Variants in ADAM12 observed in about 807,000 individuals in gnomAD.
ADAM12 encodes ADAM metallopeptidase domain 12.
Under a neutral mutation model 106.4 loss-of-function variants are expected in ADAM12, and 70 were observed. That is an observed-to-expected ratio of 0.66 (90% CI 0.54 to 0.80). The LOEUF is 0.80. ADAM12 is among the 30% of genes least tolerant of loss of function. The pLI is 0.00. For synonymous variants in ADAM12, 420 were observed against 433.5 expected (o/e 0.97, Z 0.39); for missense variants, 1,010 against 1,171.9 (o/e 0.86, Z 2.02).
intron 3 of ADAM12, among the ~76,000 whole-genome samples, chr10:126,222,783 A>G (rs1958119310): frequency 6.6e-6 from 1 of 152,196 alleles, no homozygotes; most frequent in Non-Finnish European, 1.5e-5. Flanking sequence ...TCACACTTTT[A>G]TAGATCCAGA....
At chr10:126,378,518 C>T (rs1449914837) in intron 1 of ADAM12, among the ~76,000 whole-genome samples, 6 of 152,100 alleles carry the variant, frequency 3.9e-5, no homozygotes, top group Non-Finnish European at 7.4e-5. Context: ...TAGTAGGGTA[C>T]CATTTACTTA....
chr10:126,362,103 C>T (rs915757090), intron 1 of ADAM12, among the ~76,000 whole-genome samples: 2 of 151,928 alleles, frequency 1.3e-5, no homozygotes, highest in Admixed American at 1.3e-4. Context: ...AACTATTAGC[C>T]TGATTTTAAA....
At position 126,056,545 on chromosome 10, in the gene ADAM12, T is replaced by C. The variant is rs186851095; in HGVS notation, c.1610-6876A>G. ...ATCAGTCCTCTGAAACTGCTGCTGCTTTAATTTGGTAGTGGTGGTGAGGGT... is the reference window on the plus strand; with the variant it reads ...ATCAGTCCTCTGAAACTGCTGCTGCCTTAATTTGGTAGTGGTGGTGAGGGT... On this transcript the variant is annotated intron_variant, in intron 14 of 22. Transcript: ENST00000448723. 2.0e-5 allele frequency among the ~76,000 whole-genome samples: 3 copies of C among 152,288 alleles called. No individual in the cohort carries two copies. In the East Asian group the frequency reaches 5.8e-4, roughly 29 times the overall value.
chr10:126,187,424 T>C (rs1173854643), intron 3 of ADAM12, among the ~76,000 whole-genome samples: 1 of 152,196 alleles, frequency 6.6e-6, no homozygotes, highest in Non-Finnish European at 1.5e-5. Context: ...TTCTAGCTTC[T>C]TCTTAAAGCC....
chr10:126,078,486 C>A (rs2133519295), intron 11 of ADAM12, among the ~76,000 whole-genome samples: 1 of 152,210 alleles, frequency 6.6e-6, no homozygotes. Context: ...TCTTTTATGC[C>A]ACATAAATGG....
intron 2 of ADAM12, among the ~76,000 whole-genome samples, chr10:126,310,318 A>G (rs1421181518): frequency 2.6e-5 from 4 of 152,148 alleles, no homozygotes; most frequent in Non-Finnish European, 4.4e-5. Flanking sequence ...AAGCTAGTAG[A>G]GTGGTCAAAG....
intron 3 of ADAM12, among the ~76,000 whole-genome samples, chr10:126,236,952 T>C (rs542056103): frequency 4.5e-4 from 68 of 152,212 alleles, no homozygotes; most frequent in Admixed American, 7.8e-4. Context: ...TGTAAAACAA[T>C]ACAGAGCTGA....
At chr10:126,353,132 T>G (rs1338494637) in intron 1 of ADAM12, among the ~76,000 whole-genome samples, 1 of 152,214 alleles carries the variant, frequency 6.6e-6, no homozygotes, top group African/African-American at 2.4e-5. Flanking sequence ...GGAATTGCCA[T>G]CACTCCCTAT....
chr10:126,256,355 G>T (rs1385798543), intron 3 of ADAM12, among the ~76,000 whole-genome samples: 1 of 152,136 alleles, frequency 6.6e-6, no homozygotes, highest in African/African-American at 2.4e-5. Flanking sequence ...CTTTGTTTTA[G>T]TTTCTAACTC....
At chr10:126,335,275 A>C (rs1460512755) in intron 1 of ADAM12, among the ~76,000 whole-genome samples, 1 of 152,244 alleles carries the variant, frequency 6.6e-6, no homozygotes, top group Non-Finnish European at 1.5e-5. Context: ...CTTAAATATC[A>C]CACCTGGAGT....
chr10:126,351,563 C>T (rs1855360104), intron 1 of ADAM12, among the ~76,000 whole-genome samples: 1 of 152,188 alleles, frequency 6.6e-6, no homozygotes, highest in South Asian at 2.1e-4. Flanking sequence ...ACTGCCGCTT[C>T]CTCTCCTCGG....
At chr10:126,214,669 G>A (rs1287830566) in intron 3 of ADAM12, among the ~76,000 whole-genome samples, 1 of 152,180 alleles carries the variant, frequency 6.6e-6, no homozygotes, top group Non-Finnish European at 1.5e-5. Context: ...ATGGGAAAAA[G>A]CACCAAATTT....
At chr10:126,297,809 C>A (rs914065057) in intron 2 of ADAM12, among the ~76,000 whole-genome samples, 1 of 152,060 alleles carries the variant, frequency 6.6e-6, no homozygotes, top group African/African-American at 2.4e-5. Context: ...AAGGTATGAT[C>A]CCAAAATGGG....
chr10:126,279,363 C>T (rs1413410085), intron 2 of ADAM12, among the ~76,000 whole-genome samples: 10 of 151,550 alleles, frequency 6.6e-5, no homozygotes, highest in Admixed American at 6.6e-5. Context: ...CCTAGGAGTT[C>T]GAGGCTGCAG....
intron 1 of ADAM12, among the ~76,000 whole-genome samples, chr10:126,351,156 C>A (rs1368463436): frequency 6.6e-6 from 1 of 152,182 alleles, no homozygotes; most frequent in Non-Finnish European, 1.5e-5. Context: ...ACCTGTTCAG[C>A]CCAAAGCTGG....
chr10:126,154,261 T>G (rs2133720374), intron 4 of ADAM12, among the ~76,000 whole-genome samples: 1 of 152,344 alleles, frequency 6.6e-6, no homozygotes, highest in South Asian at 2.1e-4. Flanking sequence ...TTTTGCTGAC[T>G]CTCTTTTGAG....
At chr10:126,333,849 G>T (rs187055774) in intron 1 of ADAM12, among the ~76,000 whole-genome samples, 8 of 152,146 alleles carry the variant, frequency 5.3e-5, no homozygotes, top group Non-Finnish European at 1.2e-4. Context: ...CCAAATATTC[G>T]AAGGAGAATT....
intron 5 of ADAM12, among the ~76,000 whole-genome samples, chr10:126,127,496 C>T (rs746255572): frequency 2.0e-5 from 3 of 152,192 alleles, no homozygotes; most frequent in Non-Finnish European, 2.9e-5. Flanking sequence ...AGGACACAGC[C>T]GTGTTGGGGC....
chr10:126,232,300 G>A (rs1046643194), intron 3 of ADAM12, among the ~76,000 whole-genome samples: 1 of 151,916 alleles, frequency 6.6e-6, no homozygotes, highest in African/African-American at 2.4e-5. Context: ...CGGAGGATGA[G>A]GTCAAGAACC....
Sources: allele counts gnomAD v4.1 joint callset (sites outside exome capture counted in the v4.1 genomes callset), GRCh38; gene constraint gnomAD v4.1.1; transcripts MANE v1.5; gene names NCBI Gene and HGNC (gene_info 2026-07-23, HGNC 2026-07-21).